Variants in PSMA4 observed in about 807,000 individuals in gnomAD.
PSMA4 encodes the protein proteasome subunit alpha type-4.
PSMA4 carries 8 observed loss-of-function variants against 37.2 expected under a neutral mutation model. That is an observed-to-expected ratio of 0.22 (90% CI 0.13 to 0.39). The LOEUF (loss-of-function observed/expected upper bound fraction) is 0.39, where lower values mean the gene tolerates loss of function less well. PSMA4 is among the 10% of genes least tolerant of loss of function. The pLI is 1.00. For missense variants in PSMA4, 169 were observed against 305.1 expected (o/e 0.55, Z 3.32); for synonymous variants, 93 against 98.8 (o/e 0.94, Z 0.35).
chr15:78,545,638 A>G lies in PSMA4; in HGVS notation c.381A>G (p.Lys127=), dbSNP rs2052538941. The G allele has an allele frequency of 1.2e-6, 2 of 1,613,784 alleles. No homozygotes were observed. Among genetic ancestry groups the G allele is most frequent in the South Asian group, 1.1e-5 (1 of 91,090 alleles). The change falls in exon 7 of 9, where the codon AAA becomes AAG. Residue 127 remains lysine, a synonymous_variant. Coordinates refer to ENST00000044462, the MANE Select transcript of PSMA4 (RefSeq NM_002789.6). ...GGCTTTTTTTCTTTGTTAAAGGAAA[A>G]CGTCCCTTTGGTGTTTCATTGCTGT... The part of the protein sequence containing the change: ...IKQAYTQFGG[K]RPFGVSLLYI...
intron 6 of PSMA4, 88 bp from the exon 7 acceptor site, chr15:78,545,546 G>A: frequency 2.1e-6 from 3 of 1,422,386 alleles, no homozygotes; most frequent in Non-Finnish European, 3.0e-6. Context: ...TCACAGAGTA[G>A]GGTTTAGCTA....
At chr15:78,546,913 G>A (rs918478880) in intron 8 of PSMA4, among the ~76,000 whole-genome samples, 5 of 151,940 alleles carry the variant, frequency 3.3e-5, no homozygotes, top group African/African-American at 9.7e-5. Flanking sequence ...CTACAGGCTC[G>A]CGCCACCATG....
rs1172686306 is a variant in PSMA4 at position 78,550,519 on chromosome 15, G to A, written c.*1575G>A. ...TTTTTTTCATAGAGACGGTGAGCAG[G>A]GAAGGTCTCACCATGTTTCCCATGC... On this transcript the variant is annotated 3_prime_UTR_variant, in exon 9 of 9. Transcript: ENST00000044462. 6.6e-6 allele frequency: 1 copy of A among 151,754 alleles called. No individual in the cohort carries two copies. Among genetic ancestry groups the A allele is most frequent in the African/African-American group, 2.4e-5 (1 of 41,274 alleles). The allele number at this position is 151,754 out of a possible 1,614,324, so 9.4% of individuals were successfully genotyped here.
chr15:78,544,291 G>A, intron 5 of PSMA4, 24 bp downstream of exon 5: 1 of 241,758 alleles, frequency 4.1e-6, no homozygotes, highest in Non-Finnish European at 4.9e-6. Context: ...TAGCATAACT[G>A]ATGATACAGA....
At position 78,546,122 on chromosome 15, in the gene PSMA4, T is replaced by C. The variant is rs147053828; in HGVS notation, c.507+358T>C. Among the ~76,000 whole-genome samples, 391 of 152,144 alleles carry C rather than the reference T, an allele frequency of 2.6e-3. 2 individuals are homozygous for C. Among genetic ancestry groups the C allele is most frequent in the African/African-American group, 9.1e-3 (377 of 41,506 alleles). On this transcript the variant is annotated intron_variant, in intron 7 of 8. Coordinates refer to ENST00000044462, the MANE Select transcript of PSMA4 (RefSeq NM_002789.6). ...ATTAGTACCCCCTCTTCTCACCCCG[T>C]GCCGTGTGTGCCCTCCCTGTCATCA... is the stretch of plus-strand genomic sequence containing the variant.
Position 78,546,585 on chromosome 15 carries a change from C to A in PSMA4, c.518C>A (p.Ser173Ter). 3 of 1,583,766 alleles carry A rather than the reference C, an allele frequency of 1.9e-6. No homozygotes were observed. Among genetic ancestry groups the A allele is most frequent in the South Asian group, 2.4e-5 (2 of 85,006 alleles). The change falls in exon 8 of 9, where the codon TCA becomes TAA. Residue 173 changes from serine (S) to a stop codon, truncating the protein, a stop_gained. Transcript: ENST00000044462. LOFTEE classifies it high-confidence loss of function. ...ATTCATGTTTTATAGGCAGCTGTGT[C>A]AATGTTGAAACAAGACTATAAAGAA... ...CIGNNSAAAV[S>*]MLKQDYKEGE...
At chr15:78,542,248 A>G in intron 3 of PSMA4, 29 bp downstream of exon 3, 1 of 1,567,928 alleles carries the variant, frequency 6.4e-7, no homozygotes, top group East Asian at 2.2e-5. Context: ...AATCTGCCTC[A>G]AGTTTAAAAA....
chr15:78,550,727 C>CG lies in PSMA4; in HGVS notation c.*1783_*1784insG, dbSNP rs1446940743. On this transcript the variant is annotated 3_prime_UTR_variant, in exon 9 of 9. Coordinates refer to ENST00000044462, the MANE Select transcript of PSMA4 (RefSeq NM_002789.6). Reference sequence around the variant, plus strand: ...AACGGCACAAGGTAGACTGCAGGAACACTTACACGGTGTGAGAGCTGAAAC... The same window carrying CG: ...AACGGCACAAGGTAGACTGCAGGAACGACTTACACGGTGTGAGAGCTGAAAC... The CG allele has an allele frequency of 3.3e-5, 5 of 151,008 alleles. No homozygotes were observed. The highest frequency in any genetic ancestry group is 7.4e-5 in the Non-Finnish European group (5 of 68,006). The allele number at this position is 151,008 out of a possible 1,614,324, so 9.4% of individuals were successfully genotyped here. A position where few individuals can be genotyped will look rare whatever the true frequency, so the allele number is the denominator to read the frequency against.
chr15:78,548,324 C>T (rs1373512634), intron 8 of PSMA4, among the ~76,000 whole-genome samples: 1 of 152,074 alleles, frequency 6.6e-6, no homozygotes, highest in Admixed American at 6.5e-5. Context: ...ACTCAGTTTC[C>T]CTGGTACAAA....
In PSMA4 at chr15:78,544,249, T is replaced by C; in HGVS notation, c.269T>C (p.Leu90Pro). The C allele has an allele frequency of 6.2e-7, 1 of 1,611,808 alleles. No individual in the cohort carries two copies. The highest frequency in any genetic ancestry group is 8.5e-7 in the Non-Finnish European group (1 of 1,178,078). ...TSDANVLTNE[L>P]RLIAQRYLLQ... ...GATGCTAATGTTCTGACTAATGAAC[T>C]AAGGCTCATTGCTCAAAGGTATGGT... Residue 90 changes from leucine (L) to proline (P), a missense_variant, in exon 5 of 9, where the codon CTA (leucine) becomes CCA (proline). Around this residue, in one of 2 missense-constraint regions of PSMA4, gnomAD observed 79 missense variants for 212.4 expected, o/e 0.37. Transcript: ENST00000044462.
intron 8 of PSMA4, among the ~76,000 whole-genome samples, chr15:78,548,023 A>G (rs1197874254): frequency 6.6e-6 from 1 of 151,958 alleles, no homozygotes; most frequent in Non-Finnish European, 1.5e-5. Flanking sequence ...TGAGGTCAGG[A>G]GTTCAAGACC....
At chr15:78,544,637 G>A (rs969180986) in intron 5 of PSMA4, 3 of 489,964 alleles carry the variant, frequency 6.1e-6, no homozygotes, top group Non-Finnish European at 1.1e-5. Context: ...CTTTTGCAAA[G>A]ATTAAAGTCA....
chr15:78,542,275 T>C lies in PSMA4; in HGVS notation c.46+56T>C, dbSNP rs989111918. ...GTTTAAAAATAAATGTGTTAGACTTTTAGAAAAAAAAATTACAAACTTTTT... is the reference window on the plus strand; with the variant it reads ...GTTTAAAAATAAATGTGTTAGACTTCTAGAAAAAAAAATTACAAACTTTTT... On this transcript the variant is annotated intron_variant, in intron 3 of 8. Coordinates refer to ENST00000044462, the MANE Select transcript of PSMA4 (RefSeq NM_002789.6). 5.2e-6 allele frequency: 8 copies of C among 1,531,832 alleles called. No homozygotes were observed. In the Admixed American group the frequency reaches 1.1e-4, roughly 21 times the overall value. 94.9% of individuals were successfully genotyped at this position (1,531,832 alleles called of 1,614,324 possible). A position where few individuals can be genotyped will look rare whatever the true frequency, so the allele number is the denominator to read the frequency against.
In PSMA4 at chr15:78,550,731, T is replaced by TA. The variant is rs78639685; in HGVS notation, c.*1788dup. The stretch of plus-strand genomic sequence containing the variant: ...GCACAAGGTAGACTGCAGGAACACT[T>TA]ACACGGTGTGAGAGCTGAAACAAGA... On this transcript the variant is annotated 3_prime_UTR_variant, in exon 9 of 9. Transcript: ENST00000044462. The TA allele has an allele frequency of 0.047, 7,127 of 152,166 alleles. 348 individuals are homozygous for TA. Among genetic ancestry groups the TA allele is most frequent in the African/African-American group, 0.12 (5,059 of 41,464 alleles). 9.4% of individuals were successfully genotyped at this position (152,166 alleles called of 1,614,324 possible).
chr15:78,541,756 G>T, intron 1 of PSMA4, 149 bp from the exon 2 acceptor site: 1 of 674,210 alleles, frequency 1.5e-6, no homozygotes, highest in East Asian at 2.8e-5. Flanking sequence ...GACAGGAACT[G>T]GTTTTACACA....
chr15:78,542,064 C>G (rs1333388236), intron 2 of PSMA4, 113 bp from the exon 3 acceptor site: 2 of 1,444,164 alleles, frequency 1.4e-6, no homozygotes, highest in African/African-American at 1.4e-5. Context: ...TCAGTTTCCT[C>G]TCACCTATTG....
chr15:78,541,134 A>G (rs2052444029), intron 1 of PSMA4: 1 of 152,164 alleles, frequency 6.6e-6, no homozygotes, highest in Admixed American at 6.5e-5. Context: ...ATTGGCTGAG[A>G]GATAAAATTC....
At chr15:78,547,138 C>A (rs540657075) in intron 8 of PSMA4, among the ~76,000 whole-genome samples, 1 of 152,286 alleles carries the variant, frequency 6.6e-6, no homozygotes, top group South Asian at 2.1e-4. Context: ...GTGATGTTAT[C>A]CCTGTCTTCT....
chr15:78,547,059 C>T (rs2052566215), intron 8 of PSMA4, among the ~76,000 whole-genome samples: 1 of 152,226 alleles, frequency 6.6e-6, no homozygotes. Flanking sequence ...AGCCATTGCG[C>T]CCAGCCAGCA....
Sources: gnomAD v4.1 joint callset for allele counts (sites outside exome capture counted in the v4.1 genomes callset) on GRCh38, gnomAD v4.1.1 for gene constraint, gnomAD v4.1.1 regional missense constraint, MANE v1.5 for transcripts, NCBI Gene and HGNC (gene_info 2026-07-23, HGNC 2026-07-21) for gene names.